Variants in OR10K2 observed in about 807,000 individuals in gnomAD.
OR10K2 encodes the protein olfactory receptor 10K2.
For missense variants in OR10K2, 401 were observed against 367.1 expected, an observed-to-expected ratio of 1.09 and a Z score of -0.76; for synonymous variants, 169 against 146.4, an observed-to-expected ratio of 1.15 and a Z score of -1.11.
Position 158,420,137 on chromosome 1 carries a change from G to A in OR10K2, c.730C>T (p.His244Tyr). Residue 244 changes from histidine to tyrosine, a missense_variant, in exon 2 of 2, where the codon CAC (histidine) becomes TAC (tyrosine). By Grantham distance (83) the His-to-Tyr change is moderately conservative. Transcript: ENST00000641042. ...RCKAFSTCVSHLIIVTVHYGC... is the reference protein window; with the variant it reads ...RCKAFSTCVSYLIIVTVHYGC... The stretch of plus-strand genomic sequence containing the variant: ...TAGTGGACAGTGACAATAATGAGGT[G>A]AGATACACAGGTAGAAAAAGCTTTG... 1 of 1,613,732 alleles carries A rather than the reference G, an allele frequency of 6.2e-7. No individual in the cohort carries two copies.
chr1:158,424,925 A>G (rs1024097551), intron 1 of OR10K2, among the ~76,000 whole-genome samples: 1 of 152,070 alleles, frequency 6.6e-6, no homozygotes, highest in Non-Finnish European at 1.5e-5. Flanking sequence ...AATGCGGTTC[A>G]TTCATTCTGA....
chr1:158,422,186 G>T (rs1655169457), intron 1 of OR10K2, among the ~76,000 whole-genome samples: 1 of 151,976 alleles, frequency 6.6e-6, no homozygotes, highest in Non-Finnish European at 1.5e-5. Context: ...ATGTATCTTT[G>T]CCTGAGTTCT....
chr1:158,423,387 G>A lies in OR10K2; in HGVS notation c.-61-2460C>T, dbSNP rs114564695. Among the ~76,000 whole-genome samples, 1,232 of 151,900 alleles carry A rather than the reference G, an allele frequency of 8.1e-3. 11 individuals carry two copies. The highest frequency in any genetic ancestry group is 0.014 in the Non-Finnish European group (974 of 67,874). On this transcript the variant is annotated intron_variant, in intron 1 of 1. Transcript: ENST00000641042. ...GCACATGTAAAGTTGAGTAATGTAG[G>A]AATAAAATAGGCTTTACATTTTGAC...
At position 158,420,941 on chromosome 1, in the gene OR10K2, G is replaced by A. The variant is rs1655143658; in HGVS notation, c.-61-14C>T. ...CAAAAGAAATCCCTGAAAATAAGTA[G>A]ATTCACAGAAAATTGATCATCAGCA... is the stretch of plus-strand genomic sequence containing the variant. On this transcript the variant is annotated splice_polypyrimidine_tract_variant and intron_variant, in intron 1 of 1. Transcript: ENST00000641042. The A allele has an allele frequency of 7.4e-7, 1 of 1,346,998 alleles. No individual in the cohort carries two copies. The highest frequency in any genetic ancestry group is 2.4e-5 in the East Asian group (1 of 41,776). 83.4% of individuals were successfully genotyped at this position (1,346,998 alleles called of 1,614,324 possible). A position where few individuals can be genotyped will look rare whatever the true frequency, so the allele number is the denominator to read the frequency against.
chr1:158,422,002 A>C (rs1349364970), intron 1 of OR10K2, among the ~76,000 whole-genome samples: 1 of 151,972 alleles, frequency 6.6e-6, no homozygotes, highest in Non-Finnish European at 1.5e-5. Context: ...ACCTTTTTGA[A>C]AGCTTTCTTG....
At position 158,420,921 on chromosome 1, in the gene OR10K2, G is replaced by T. The variant is rs1655143390; in HGVS notation, c.-55C>A. The stretch of plus-strand genomic sequence containing the variant: ...GAGAGAAGAGGAGTCAGCACCAAAA[G>T]AAATCCCTGAAAATAAGTAGATTCA... On this transcript the variant is annotated 5_prime_UTR_variant, in exon 2 of 2. Coordinates refer to ENST00000641042, the MANE Select transcript of OR10K2 (RefSeq NM_001004476.2). The T allele has an allele frequency of 6.8e-7, 1 of 1,478,044 alleles. No homozygotes were observed. The highest frequency in any genetic ancestry group is 9.1e-7 in the Non-Finnish European group (1 of 1,093,634). 91.6% of individuals were successfully genotyped at this position (1,478,044 alleles called of 1,614,324 possible).
Position 158,420,391 on chromosome 1 carries a change from A to C in OR10K2, c.476T>G (p.Ile159Ser). 1 of 1,613,888 alleles carries C rather than the reference A, an allele frequency of 6.2e-7. No individual in the cohort carries two copies. Among genetic ancestry groups the C allele is most frequent in the Non-Finnish European group, 8.5e-7 (1 of 1,179,912 alleles). The change falls in exon 2 of 2, where the codon ATC (isoleucine) becomes AGC (serine). Residue 159 changes from isoleucine (I) to serine (S), a missense_variant. By Grantham distance (142) the Ile-to-Ser change is moderately radical (BLOSUM62 -2). Coordinates refer to ENST00000641042, the MANE Select transcript of OR10K2 (RefSeq NM_001004476.2). ...CACGFTVAQI[I>S]TSLVFHLPFY... ...AGGCAGGTGAAATACCAAGGATGTG[A>C]TGATCTGTGCAACAGTGAAGCCACA...
intron 1 of OR10K2, among the ~76,000 whole-genome samples, chr1:158,424,737 C>CTGTGTGTGTGTCTGTGTG (rs1553204311): frequency 1.3e-5 from 2 of 149,358 alleles, no homozygotes; most frequent in Non-Finnish European, 3.0e-5. Context: ...ACAGTACAAT[C>CTGTGTGTGTGTCTGTGTG]TGTGTGTGTG....
rs143743518 is a variant in OR10K2, at chr1:158,419,967, A to T, written c.900T>A (p.Ala300=). The T allele has an allele frequency of 3.6e-3, 5,783 of 1,612,314 alleles. 39 individuals carry two copies. The highest frequency in any genetic ancestry group is 6.3e-3 in the Middle Eastern group (38 of 6,034). ...TTGTTCTTCTCACAATTTTACAAAG[A>T]GCTGATTTGAACTCTTTATTTCTCA... ...YSLRNKEFKS[A]LCKIVRRTIS... Residue 300 remains alanine (A), a synonymous_variant, in exon 2 of 2, where the codon GCT becomes GCA. Transcript: ENST00000641042.
At position 158,420,713 on chromosome 1, in the gene OR10K2, C is replaced by G; in HGVS notation, c.154G>C (p.Asp52His). 1 of 1,613,692 alleles carries G rather than the reference C, an allele frequency of 6.2e-7. No individual in the cohort carries two copies. Among genetic ancestry groups the G allele is most frequent in the Non-Finnish European group, 8.5e-7 (1 of 1,179,814 alleles). Residue 52 changes from aspartate (D) to histidine (H), a missense_variant, in exon 2 of 2, where the codon GAC becomes CAC. Coordinates refer to ENST00000641042, the MANE Select transcript of OR10K2 (RefSeq NM_001004476.2). ...NAIIISTIVLDRALHIPMYFF... is the reference protein window; with the variant it reads ...NAIIISTIVLHRALHIPMYFF... ...TACATGGGGATATGAAGGGCCCTGT[C>G]CAGGACAATGGTGGAAATGATGATT...
rs1247830119 is a variant in OR10K2, at chr1:158,419,010, AG to A, written c.*917del. 6.6e-6 allele frequency: 1 copy of A among 152,156 alleles called. No individual in the cohort carries two copies. The highest frequency in any genetic ancestry group is 1.5e-5 in the Non-Finnish European group (1 of 68,006). The allele number at this position is 152,156 out of a possible 1,614,324, so 9.4% of individuals were successfully genotyped here. ...AATCCATTCCCCTGTGAATATCTTC[AG>A]GGTATGCTGACCAAATTTAGATGTA... On this transcript the variant is annotated 3_prime_UTR_variant, in exon 2 of 2. Coordinates refer to ENST00000641042, the MANE Select transcript of OR10K2 (RefSeq NM_001004476.2).
intron 1 of OR10K2, among the ~76,000 whole-genome samples, chr1:158,423,219 C>T (rs868225536): frequency 1.3e-4 from 17 of 133,756 alleles, no homozygotes; most frequent in South Asian, 2.3e-4. Flanking sequence ...TCTGGTTCTT[C>T]GCCCAATATT....
Position 158,420,117 on chromosome 1 carries a change from G to A in OR10K2, c.750C>T (p.Val250=), listed in dbSNP as rs1192831166. 6.2e-7 allele frequency: 1 copy of A among 1,613,718 alleles called. No homozygotes were observed. The highest frequency in any genetic ancestry group is 1.1e-5 in the South Asian group (1 of 91,070). The part of the protein sequence containing the change: ...TCVSHLIIVT[V]HYGCASFIYL... The stretch of plus-strand genomic sequence containing the variant: ...AGATAAAGGAGGCACAGCCATAGTG[G>A]ACAGTGACAATAATGAGGTGAGATA... The change falls in exon 2 of 2, where the codon GTC becomes GTT. Residue 250 remains valine, a synonymous_variant. Coordinates refer to ENST00000641042, the MANE Select transcript of OR10K2 (RefSeq NM_001004476.2).
In OR10K2 at chr1:158,418,910, G is replaced by A. The variant is rs1456982993; in HGVS notation, c.*1018C>T. 6.6e-6 allele frequency: 1 copy of A among 152,080 alleles called. No homozygotes were observed. The highest frequency in any genetic ancestry group is 1.5e-5 in the Non-Finnish European group (1 of 68,014). 9.4% of individuals were successfully genotyped at this position (152,080 alleles called of 1,614,324 possible). A position where few individuals can be genotyped will look rare whatever the true frequency, so the allele number is the denominator to read the frequency against. ...CCATATGCAAAGCTTTCCACTTGGT[G>A]AATATTTAGTGAAATTGACTTAATC... On this transcript the variant is annotated 3_prime_UTR_variant, in exon 2 of 2. Transcript: ENST00000641042.
intron 1 of OR10K2, among the ~76,000 whole-genome samples, chr1:158,424,737 CTGTGTGTG>C (rs146971622): frequency 6.7e-6 from 1 of 149,358 alleles, no homozygotes; most frequent in Non-Finnish European, 1.5e-5. Flanking sequence ...ACAGTACAAT[CTGTGTGTG>C]TGTGTGTGTG....
chr1:158,422,274 G>T (rs1264592279), intron 1 of OR10K2, among the ~76,000 whole-genome samples: 1 of 151,996 alleles, frequency 6.6e-6, no homozygotes, highest in Non-Finnish European at 1.5e-5. Context: ...GAGTTAACTT[G>T]CCACATTATC....
At position 158,418,370 on chromosome 1, in the gene OR10K2, C is replaced by G. The variant is rs1371433651; in HGVS notation, c.*1558G>C. ...AGCTATAAATAATTAACACATTAAA[C>G]TTAGCTCATTTACTTTTCATGAATC... On this transcript the variant is annotated 3_prime_UTR_variant, in exon 2 of 2. Transcript: ENST00000641042. 6.6e-6 allele frequency: 1 copy of G among 152,038 alleles called. No homozygotes were observed. The highest frequency in any genetic ancestry group is 1.5e-5 in the Non-Finnish European group (1 of 67,996). 9.4% of individuals were successfully genotyped at this position (152,038 alleles called of 1,614,324 possible).
intron 1 of OR10K2, among the ~76,000 whole-genome samples, chr1:158,422,071 C>T (rs858564): frequency 0.023 from 3,542 of 152,082 alleles, 63 homozygotes; most frequent in Non-Finnish European, 0.032. Context: ...CATTGATTGC[C>T]AAAATTATGT....
Position 158,420,423 on chromosome 1 carries a change from G to GGCA in OR10K2, c.441_443dup (p.Ala148dup), listed in dbSNP as rs779168634. 1 of 1,613,790 alleles carries GGCA rather than the reference G, an allele frequency of 6.2e-7. No homozygotes were observed. The highest frequency in any genetic ancestry group is 1.3e-5 in the African/African-American group (1 of 74,918). On this transcript the variant is annotated inframe_insertion, in exon 2 of 2. Transcript: ENST00000641042. Reference sequence around the variant, plus strand: ...GTGCAACAGTGAAGCCACAGGCACAGGCAGCAGCCACTAGTCCCATACACA... The same window carrying GGCA: ...GTGCAACAGTGAAGCCACAGGCACAGGCAGCAGCAGCCACTAGTCCCATACACA...
Sources: gnomAD v4.1 joint callset for allele counts (sites outside exome capture counted in the v4.1 genomes callset) on GRCh38, gnomAD v4.1.1 for gene constraint, MANE v1.5 for transcripts, NCBI Gene and HGNC (gene_info 2026-07-23, HGNC 2026-07-21) for gene names.